The following ADD2 variants were observed in gnomAD, a reference collection of about 807,000 sequenced individuals.
The protein encoded by ADD2 is beta-adducin.
In ADD2, 23 loss-of-function variants were observed where a neutral mutation model predicts 83.0. That is an observed-to-expected ratio of 0.28 (90% CI 0.20 to 0.39). The LOEUF (loss-of-function observed/expected upper bound fraction) is 0.39. ADD2 is among the 10% of genes least tolerant of loss of function. The pLI is 1.00. For synonymous variants in ADD2, 375 were observed against 375.4 expected (o/e 1.00, Z 0.01); for missense variants, 758 against 944.9 (o/e 0.80, Z 2.59).
intron 1 of ADD2, among the ~76,000 whole-genome samples, chr2:70,739,454 C>T (rs551622890): frequency 1.3e-5 from 2 of 152,284 alleles, no homozygotes; most frequent in Admixed American, 6.5e-5. Flanking sequence ...TTTGTCCAAC[C>T]GTTGTGGAAA....
At chr2:70,695,664 C>G (rs1553372457) in intron 6 of ADD2, 57 bp downstream of exon 6, 4 of 1,526,002 alleles carry the variant, frequency 2.6e-6, no homozygotes, top group South Asian at 1.1e-5. Flanking sequence ...ACTGTGGGAA[C>G]AGAGAGAGTG....
At chr2:70,683,484 G>T in intron 10 of ADD2, 107 bp downstream of exon 10, 2 of 1,226,790 alleles carry the variant, frequency 1.6e-6, no homozygotes, top group African/African-American at 1.5e-5. Context: ...CAACAACCTA[G>T]TTGTGATGCT....
intron 7 of ADD2, 122 bp from the exon 8 acceptor site, chr2:70,691,051 T>TG: frequency 5.6e-6 from 7 of 1,248,236 alleles, no homozygotes; most frequent in Non-Finnish European, 7.5e-6. Context: ...AGGGGTGAGG[T>TG]TGGGGAGCAG....
intron 13 of ADD2, chr2:70,675,254 G>A (rs1459383578): frequency 2.0e-5 from 20 of 1,003,240 alleles, no homozygotes; most frequent in African/African-American, 3.5e-5. Context: ...TGCCCTCCCC[G>A]CCCCCACAGC....
At chr2:70,707,429 A>AT (rs1553374729) in intron 2 of ADD2, among the ~76,000 whole-genome samples, 2 of 152,228 alleles carry the variant, frequency 1.3e-5, no homozygotes, top group African/African-American at 4.8e-5. Flanking sequence ...AAACCTGTGG[A>AT]TTTTTTCTAA....
chr2:70,724,572 C>T (rs1433775116), intron 1 of ADD2, among the ~76,000 whole-genome samples: 1 of 152,200 alleles, frequency 6.6e-6, no homozygotes, highest in African/African-American at 2.4e-5. Context: ...CCCCAAGCTC[C>T]CCACAAGGAG....
At chr2:70,735,083 G>C (rs548286911) in intron 1 of ADD2, among the ~76,000 whole-genome samples, 1 of 152,172 alleles carries the variant, frequency 6.6e-6, no homozygotes, top group Admixed American at 6.5e-5. Context: ...GTATTAGTTC[G>C]ATTTTCACTT....
intron 2 of ADD2, among the ~76,000 whole-genome samples, chr2:70,711,467 T>C (rs1405857564): frequency 3.3e-5 from 5 of 151,998 alleles, no homozygotes; most frequent in African/African-American, 7.3e-5. Context: ...GGAGAGGGGC[T>C]AGAGATTGAG....
chr2:70,719,602 C>T (rs1391151687), intron 1 of ADD2, among the ~76,000 whole-genome samples: 1 of 152,200 alleles, frequency 6.6e-6, no homozygotes, highest in African/African-American at 2.4e-5. Context: ...TGGCTGGGCT[C>T]AGTCTTCCCA....
chr2:70,750,971 C>T (rs1174864694), intron 1 of ADD2, among the ~76,000 whole-genome samples: 1 of 152,192 alleles, frequency 6.6e-6, no homozygotes. Context: ...TGATATGCTT[C>T]CTGTCACGTT....
chr2:70,686,924 C>T (rs1227257353), intron 9 of ADD2, among the ~76,000 whole-genome samples: 1 of 152,210 alleles, frequency 6.6e-6, no homozygotes, highest in Non-Finnish European at 1.5e-5. Flanking sequence ...CACTTCCAGG[C>T]AGATCTCAAT....
At chr2:70,728,387 A>G (rs1673116548) in intron 1 of ADD2, among the ~76,000 whole-genome samples, 1 of 152,184 alleles carries the variant, frequency 6.6e-6, no homozygotes, top group Non-Finnish European at 1.5e-5. Flanking sequence ...TGAAGCCCAC[A>G]GCGGGGGTCA....
rs577030034 is a variant in ADD2, at chr2:70,727,100, C to T, written c.-153-13916G>A. Among the ~76,000 whole-genome samples, 23 of 152,314 alleles carry T rather than the reference C, an allele frequency of 1.5e-4. No individual in the cohort carries two copies. In the South Asian group the frequency reaches 3.5e-3, roughly 23 times the overall value. ...CTAGAAGGGCTTGAGTCCTTCTTCA[C>T]GCTCCGTGGGAAGAATGCTAGGATT... On this transcript the variant is annotated intron_variant, in intron 1 of 15. Transcript: ENST00000264436.
In ADD2 at chr2:70,672,868, C is replaced by T. The variant is rs781982849; in HGVS notation, c.1870+10G>A. 1.9e-5 allele frequency: 31 copies of T among 1,608,100 alleles called. No individual in the cohort carries two copies. The Admixed American group carries it at 5.3e-4, about 27-fold the overall frequency. On this transcript the variant is annotated intron_variant, in intron 15 of 15. Coordinates refer to ENST00000264436, the MANE Select transcript of ADD2 (RefSeq NM_001617.4). Reference sequence around the variant, plus strand: ...TCTCCCTCCCTCCCAGCCTACTCAGCTGGACTCACCCTCTAAAGACTTGGA... The same window carrying T: ...TCTCCCTCCCTCCCAGCCTACTCAGTTGGACTCACCCTCTAAAGACTTGGA...
At position 70,706,077 on chromosome 2, in the gene ADD2, C is replaced by T. The variant is rs1671869500; in HGVS notation, c.183+149G>A. 1.3e-6 allele frequency: 1 copy of T among 769,852 alleles called. No individual in the cohort carries two copies. Among genetic ancestry groups the T allele is most frequent in the Non-Finnish European group, 2.0e-6 (1 of 503,536 alleles). The allele number at this position is 769,852 out of a possible 1,614,324, so 47.7% of individuals were successfully genotyped here. On this transcript the variant is annotated intron_variant, in intron 3 of 15. Transcript: ENST00000264436. This position sits in a 1 kb window ranked among gnomAD's most constrained non-coding sequence, Gnocchi z 5.0. Reference sequence around the variant, plus strand: ...GTTACAAGGGAGAGTGTCAAGGCCCCAGGTGACCAGATCCGTCTTGCTCAG... The same window carrying T: ...GTTACAAGGGAGAGTGTCAAGGCCCTAGGTGACCAGATCCGTCTTGCTCAG...
At chr2:70,749,734 G>C (rs541747507) in intron 1 of ADD2, among the ~76,000 whole-genome samples, 1 of 152,090 alleles carries the variant, frequency 6.6e-6, no homozygotes, top group Admixed American at 6.5e-5. Context: ...GTAGTTAAAG[G>C]CTGGAAATGG....
At chr2:70,730,464 G>T (rs1040765691) in intron 1 of ADD2, among the ~76,000 whole-genome samples, 1 of 152,224 alleles carries the variant, frequency 6.6e-6, no homozygotes, top group Non-Finnish European at 1.5e-5. Context: ...TATGTCCTGT[G>T]TTTGCAGGAC....
intron 4 of ADD2, among the ~76,000 whole-genome samples, chr2:70,697,074 G>A (rs1469554085): frequency 1.1e-4 from 16 of 152,208 alleles, no homozygotes; most frequent in African/African-American, 2.4e-5. Context: ...CAGGAGAATC[G>A]TTTGAACCTG....
At chr2:70,716,089 A>T (rs1165858645) in intron 1 of ADD2, among the ~76,000 whole-genome samples, 1 of 152,188 alleles carries the variant, frequency 6.6e-6, no homozygotes, top group Non-Finnish European at 1.5e-5. Context: ...CTTTATTACC[A>T]AAATGGCAGG....
Sources: allele counts gnomAD v4.1 joint callset (sites outside exome capture counted in the v4.1 genomes callset), GRCh38; gene constraint gnomAD v4.1.1; non-coding constraint Gnocchi (gnomAD v3.1); transcripts MANE v1.5; gene names NCBI Gene and HGNC (gene_info 2026-07-23, HGNC 2026-07-21).